The following UTRN variants were observed in gnomAD, a reference collection of about 807,000 sequenced individuals.
UTRN encodes the protein dystrophin-related protein 1.
In UTRN, 283 loss-of-function variants were observed where a neutral mutation model predicts 463.9. The observed-to-expected ratio is 0.61, with a 90% CI of 0.55 to 0.67. UTRN has a LOEUF of 0.67. Ranked by LOEUF, UTRN falls within the 30% of genes least tolerant of loss-of-function variation. UTRN has a pLI of 0.00. For missense variants in UTRN, 3,922 were observed against 4,084.3 expected (o/e 0.96, Z 1.08); for synonymous variants, 1,442 against 1,431.5 (o/e 1.01, Z -0.17).
intron 51 of UTRN, among the ~76,000 whole-genome samples, chr6:144,593,434 T>A (rs1803323572): frequency 6.6e-6 from 1 of 152,124 alleles, no homozygotes; most frequent in South Asian, 2.1e-4. Flanking sequence ...CTGTGACCAA[T>A]CATAGGCTGA....
At chr6:144,558,977 T>A (rs960614059) in intron 50 of UTRN, among the ~76,000 whole-genome samples, 1 of 152,208 alleles carries the variant, frequency 6.6e-6, no homozygotes, top group African/African-American at 2.4e-5. Context: ...TCCTTAAATA[T>A]GCTCTGTCTT....
At chr6:144,356,509 G>C (rs1378418073) in intron 2 of UTRN, among the ~76,000 whole-genome samples, 3 of 152,000 alleles carry the variant, frequency 2.0e-5, no homozygotes. Flanking sequence ...TATTGTTGTT[G>C]GTATCTTTCA....
intron 54 of UTRN, among the ~76,000 whole-genome samples, chr6:144,733,645 A>G (rs755145959): frequency 3.9e-5 from 6 of 152,028 alleles, no homozygotes; most frequent in Non-Finnish European, 7.4e-5. Flanking sequence ...CTTGTCATGG[A>G]TGTGCTACCT....
chr6:144,451,954 G>T (rs1788363438), intron 18 of UTRN, among the ~76,000 whole-genome samples: 3 of 152,164 alleles, frequency 2.0e-5, no homozygotes, highest in African/African-American at 7.2e-5. Flanking sequence ...TCTTAGCCCT[G>T]CCGCTTTCCA....
chr6:144,803,090 G>T lies in UTRN; in HGVS notation c.9300G>T (p.Ser3100=). 6.3e-7 allele frequency: 1 copy of T among 1,595,608 alleles called. No homozygotes were observed. ...ATGTCTGCCAGAGTTGTTTCTTTTC[G>T]GGTCGAACAGCAAAAGGTCACAAAT... The part of the protein sequence containing the change: ...NYDVCQSCFF[S]GRTAKGHKLH... The change falls in exon 65 of 75, where the codon TCG becomes TCT. Residue 3100 remains serine, a synonymous_variant. Coordinates refer to ENST00000367545, the MANE Select transcript of UTRN (RefSeq NM_007124.3).
intron 50 of UTRN, among the ~76,000 whole-genome samples, chr6:144,564,468 A>C (rs973446668): frequency 6.6e-6 from 1 of 152,182 alleles, no homozygotes; most frequent in Non-Finnish European, 1.5e-5. Context: ...GATCATGCTG[A>C]GCTTTGTAAG....
chr6:144,394,214 G>T (rs1429571955), intron 2 of UTRN, among the ~76,000 whole-genome samples: 1 of 152,082 alleles, frequency 6.6e-6, no homozygotes, highest in Non-Finnish European at 1.5e-5. Flanking sequence ...ATATATATGT[G>T]TATTAGTCTC....
intron 2 of UTRN, among the ~76,000 whole-genome samples, chr6:144,383,133 T>G (rs1240894578): frequency 6.8e-6 from 1 of 147,586 alleles, no homozygotes; most frequent in Non-Finnish European, 1.5e-5. Context: ...GGTTTTACCA[T>G]TTTGCCCAGG....
At chr6:144,355,905 A>G (rs556963020) in intron 2 of UTRN, among the ~76,000 whole-genome samples, 1 of 152,376 alleles carries the variant, frequency 6.6e-6, no homozygotes, top group South Asian at 2.1e-4. Context: ...TATTTAGAAC[A>G]TACCAAATTT....
At chr6:144,793,733 T>C (rs1431965312) in intron 62 of UTRN, 101 bp from the exon 63 acceptor site, 9 of 1,428,046 alleles carry the variant, frequency 6.3e-6, no homozygotes, top group Non-Finnish European at 8.4e-6. Flanking sequence ...CCTTCTGAAA[T>C]TTTTTTAATC....
chr6:144,525,274 T>C (rs776118184), intron 41 of UTRN, among the ~76,000 whole-genome samples: 30 of 152,310 alleles, frequency 2.0e-4, no homozygotes, highest in Middle Eastern at 3.4e-3. Context: ...CAATTCTTCT[T>C]TGAATGTCTG....
chr6:144,744,488 A>G (rs537662878), intron 54 of UTRN, among the ~76,000 whole-genome samples: 2 of 148,770 alleles, frequency 1.3e-5, no homozygotes, highest in South Asian at 4.2e-4. Flanking sequence ...ATACATAAAT[A>G]TATATATTTT....
chr6:144,347,894 A>G (rs1425784357), intron 2 of UTRN, among the ~76,000 whole-genome samples: 1 of 138,746 alleles, frequency 7.2e-6, no homozygotes, highest in African/African-American at 3.0e-5. Flanking sequence ...CCCAGCCTGG[A>G]GTGCAGTGAC....
At chr6:144,570,970 CT>C (rs1384738297) in intron 50 of UTRN, among the ~76,000 whole-genome samples, 1 of 152,120 alleles carries the variant, frequency 6.6e-6, no homozygotes, top group Non-Finnish European at 1.5e-5. Context: ...GTAATGATCT[CT>C]TTTTACATTA....
In UTRN at chr6:144,785,030, C is replaced by A. The variant is rs910836449; in HGVS notation, c.8834+2907C>A. Reference sequence around the variant, plus strand: ...TGTCAGACGGCCAGAGCTGGTTGCCCAGGTTTCTCTAACAACCATGATTTA... The same window carrying A: ...TGTCAGACGGCCAGAGCTGGTTGCCAAGGTTTCTCTAACAACCATGATTTA... On this transcript the variant is annotated intron_variant, in intron 61 of 74. Coordinates refer to ENST00000367545, the MANE Select transcript of UTRN (RefSeq NM_007124.3). Among the ~76,000 whole-genome samples, 4 of 152,206 alleles carry A rather than the reference C, an allele frequency of 2.6e-5. 1 individual carries two copies. The highest frequency in any genetic ancestry group is 9.7e-5 in the African/African-American group (4 of 41,450).
chr6:144,519,283 C>T (rs1205256551), intron 39 of UTRN, among the ~76,000 whole-genome samples: 4 of 152,034 alleles, frequency 2.6e-5, no homozygotes, highest in Admixed American at 1.3e-4. Context: ...TATGTTTTCC[C>T]TTAGTGATTT....
At chr6:144,720,458 A>C (rs1280018048) in intron 53 of UTRN, among the ~76,000 whole-genome samples, 1 of 152,224 alleles carries the variant, frequency 6.6e-6, no homozygotes, top group Non-Finnish European at 1.5e-5. Context: ...AAGGAGTCGG[A>C]GAGGTGGGAC....
intron 2 of UTRN, among the ~76,000 whole-genome samples, chr6:144,302,046 C>CAG (rs1453038143): frequency 1.3e-5 from 2 of 152,180 alleles, no homozygotes; most frequent in Non-Finnish European, 2.9e-5. Flanking sequence ...TCAGTGCCAC[C>CAG]AGGTGTTCTG....
At chr6:144,510,276 A>T (rs933543212) in intron 34 of UTRN, among the ~76,000 whole-genome samples, 1 of 152,196 alleles carries the variant, frequency 6.6e-6, no homozygotes, top group African/African-American at 2.4e-5. Flanking sequence ...CTGTGACTAT[A>T]TACTTTGCCT....
Sources: gnomAD v4.1 joint callset for allele counts (sites outside exome capture counted in the v4.1 genomes callset) on GRCh38, gnomAD v4.1.1 for gene constraint, MANE v1.5 for transcripts, NCBI Gene and HGNC (gene_info 2026-07-23, HGNC 2026-07-21) for gene names.